LRP1B: variants seen among roughly 807,000 people sequenced by gnomAD.
LRP1B encodes the protein low-density lipoprotein receptor-related protein 1B.
LRP1B carries 217 observed loss-of-function variants against 556.6 expected under a neutral mutation model. The ratio of observed to expected loss-of-function variants is 0.39; its 90% CI spans 0.35 to 0.44. The LOEUF is 0.44. Ranked by LOEUF, LRP1B falls within the 20% of genes least tolerant of loss-of-function variation. The pLI, the probability that LRP1B is intolerant of heterozygous loss-of-function variation, is 1.00. For missense variants in LRP1B, 5,053 were observed against 5,620.8 expected, an observed-to-expected ratio of 0.90 and a Z score of 3.23; for synonymous variants, 2,047 against 1,865.8, an observed-to-expected ratio of 1.10 and a Z score of -2.50.
intron 1 of LRP1B, among the ~76,000 whole-genome samples, chr2:141,910,689 T>A (rs999729865): frequency 6.6e-6 from 1 of 152,080 alleles, no homozygotes. Flanking sequence ...TATTATACCT[T>A]GGGATTGCTA....
At chr2:142,033,415 C>T (rs1703771720) in intron 1 of LRP1B, among the ~76,000 whole-genome samples, 1 of 151,654 alleles carries the variant, frequency 6.6e-6, no homozygotes, top group African/African-American at 2.4e-5. Context: ...TAATTGCAGA[C>T]ATCTACTATT....
intron 2 of LRP1B, among the ~76,000 whole-genome samples, chr2:141,690,061 AT>A (rs1691459937): frequency 1.3e-5 from 2 of 151,668 alleles, no homozygotes. Flanking sequence ...TTCCATTATT[AT>A]TTAGCTATAT....
At chr2:141,211,770 G>A (rs1433539068) in intron 6 of LRP1B, among the ~76,000 whole-genome samples, 2 of 152,160 alleles carry the variant, frequency 1.3e-5, no homozygotes, top group Non-Finnish European at 2.9e-5. Flanking sequence ...TCAACATTAA[G>A]CATATGGTAT....
At chr2:140,890,182 C>T (rs201373073) in intron 23 of LRP1B, among the ~76,000 whole-genome samples, 3 of 37,832 alleles carry the variant, frequency 7.9e-5, no homozygotes, top group Non-Finnish European at 3.1e-4. Flanking sequence ...TTAAATGTTG[C>T]TTAAAAACAC....
chr2:140,659,372 T>C (rs1363803990), intron 41 of LRP1B, among the ~76,000 whole-genome samples: 4 of 151,978 alleles, frequency 2.6e-5, no homozygotes, highest in Non-Finnish European at 4.4e-5. Flanking sequence ...TTCAGCATGG[T>C]TTTATTTGAT....
chr2:141,084,223 A>G (rs1023622533), intron 7 of LRP1B, among the ~76,000 whole-genome samples: 1 of 152,182 alleles, frequency 6.6e-6, no homozygotes, highest in Admixed American at 6.5e-5. Context: ...AAATATCACA[A>G]GAAAAATTGG....
intron 27 of LRP1B, among the ~76,000 whole-genome samples, chr2:140,858,977 C>G (rs1325476825): frequency 6.6e-6 from 1 of 152,060 alleles, no homozygotes; most frequent in Admixed American, 6.6e-5. Flanking sequence ...CTTTATCCAG[C>G]CTAGTTAGAT....
At chr2:142,019,013 C>T (rs1703245660) in intron 1 of LRP1B, among the ~76,000 whole-genome samples, 1 of 152,174 alleles carries the variant, frequency 6.6e-6, no homozygotes, top group South Asian at 2.1e-4. Flanking sequence ...CTGGTTTTCA[C>T]TGTTTCATAG....
intron 5 of LRP1B, among the ~76,000 whole-genome samples, chr2:141,245,177 G>A (rs1010192464): frequency 4.6e-5 from 7 of 152,106 alleles, no homozygotes; most frequent in African/African-American, 1.7e-4. Flanking sequence ...AACTCTGAGT[G>A]GTGGCAAAAA....
chr2:140,251,462 G>A (rs768151451), intron 86 of LRP1B, among the ~76,000 whole-genome samples: 21 of 151,746 alleles, frequency 1.4e-4, no homozygotes, highest in Non-Finnish European at 1.9e-4. Flanking sequence ...CACCCACTTT[G>A]GGAGGACTTC....
rs556143411 is a variant in LRP1B, at chr2:141,314,843, T to C, written c.344-60202A>G. Among the ~76,000 whole-genome samples the C allele has an allele frequency of 6.2e-4, 82 of 132,960 alleles. 2 individuals carry two copies. The highest frequency in any genetic ancestry group is 1.3e-3 in the East Asian group (6 of 4,616). 87.2% of individuals were successfully genotyped at this position (132,960 alleles called of 152,430 possible). A position where few individuals can be genotyped will look rare whatever the true frequency, so the allele number is the denominator to read the frequency against. ...ATATATATATGTGTATATATATATATACACATATATATACATATATATACA... is the reference window on the plus strand; with the variant it reads ...ATATATATATGTGTATATATATATACACACATATATATACATATATATACA... On this transcript the variant is annotated intron_variant, in intron 3 of 90. Transcript: ENST00000389484.
chr2:141,148,739 C>T (rs1298486301), intron 7 of LRP1B, among the ~76,000 whole-genome samples: 1 of 152,126 alleles, frequency 6.6e-6, no homozygotes, highest in African/African-American at 2.4e-5. Context: ...ATAGAAATGA[C>T]TATACATAAG....
chr2:141,556,660 C>G (rs1486097438), intron 2 of LRP1B, among the ~76,000 whole-genome samples: 2 of 151,784 alleles, frequency 1.3e-5, no homozygotes, highest in African/African-American at 4.8e-5. Context: ...AAGAAAACTT[C>G]TAGAGGTTAG....
intron 2 of LRP1B, among the ~76,000 whole-genome samples, chr2:141,660,537 G>C (rs1248254431): frequency 6.6e-6 from 1 of 152,118 alleles, no homozygotes. Flanking sequence ...TCCCCAGGGT[G>C]TACCACAGCA....
In LRP1B at chr2:142,087,681, A is replaced by G. The variant is rs1705999227; in HGVS notation, c.82+42967T>C. Among the ~76,000 whole-genome samples the G allele has an allele frequency of 2.0e-5, 3 of 152,024 alleles. No homozygotes were observed. In the South Asian group the frequency reaches 6.2e-4, roughly 32 times the overall value. On this transcript the variant is annotated intron_variant, in intron 1 of 90. Coordinates refer to ENST00000389484, the MANE Select transcript of LRP1B (RefSeq NM_018557.3). ...ATACCATGTAATTCATTTTTGCCTAACAAAGACAAGGAACCACAGAGAAAG... is the reference window on the plus strand; with the variant it reads ...ATACCATGTAATTCATTTTTGCCTAGCAAAGACAAGGAACCACAGAGAAAG...
At chr2:140,519,777 C>T (rs2104948661) in intron 49 of LRP1B, among the ~76,000 whole-genome samples, 1 of 152,222 alleles carries the variant, frequency 6.6e-6, no homozygotes, top group African/African-American at 2.4e-5. Context: ...AAAAATCAAA[C>T]AACCCCATCA....
chr2:141,007,506 GA>G (rs1032323121), intron 14 of LRP1B, among the ~76,000 whole-genome samples: 2 of 151,434 alleles, frequency 1.3e-5, no homozygotes, highest in South Asian at 2.1e-4. Flanking sequence ...TTTTTAATAG[GA>G]AATGCATAAA....
At chr2:141,197,614 T>A (rs949487086) in intron 6 of LRP1B, among the ~76,000 whole-genome samples, 1 of 152,114 alleles carries the variant, frequency 6.6e-6, no homozygotes, top group African/African-American at 2.4e-5. Flanking sequence ...AGGAGATGTC[T>A]ATTCAGTATT....
At chr2:141,079,782 C>T (rs74835454) in intron 7 of LRP1B, among the ~76,000 whole-genome samples, 4,968 of 152,242 alleles carry the variant, frequency 0.033, 92 homozygotes, top group South Asian at 0.074. Flanking sequence ...AAGATGATCT[C>T]ATTGATCATG....
Sources: allele counts gnomAD v4.1 joint callset (sites outside exome capture counted in the v4.1 genomes callset), GRCh38; gene constraint gnomAD v4.1.1; transcripts MANE v1.5; gene names NCBI Gene and HGNC (gene_info 2026-07-23, HGNC 2026-07-21).